SFSWAP: variants seen among roughly 807,000 people sequenced by gnomAD.
SFSWAP encodes the protein splicing factor SWAP, also known as splicing factor, suppressor of white-apricot homolog.
A neutral mutation model predicts 100.7 loss-of-function variants in SFSWAP; 17 were observed. The observed-to-expected ratio is 0.17, with a 90% CI of 0.12 to 0.25. The LOEUF is 0.25. SFSWAP is among the 10% of genes least tolerant of loss of function. The pLI, the probability that SFSWAP is intolerant of heterozygous loss-of-function variation, is 1.00. For missense variants in SFSWAP, 1,005 were observed against 1,262.6 expected (o/e 0.80, Z 3.09); for synonymous variants, 504 against 510.1 (o/e 0.99, Z 0.16).
chr12:131,786,703 G>C, intron 15 of SFSWAP, 115 bp downstream of exon 15: 1 of 1,162,890 alleles, frequency 8.6e-7, no homozygotes, highest in South Asian at 1.5e-5. Context: ...AGAGGGAGGT[G>C]CTGAGTCCCC....
chr12:131,728,897 G>C (rs1447032416), intron 7 of SFSWAP, among the ~76,000 whole-genome samples: 2 of 152,062 alleles, frequency 1.3e-5, no homozygotes, highest in Non-Finnish European at 2.9e-5. Context: ...GTCTCACTAT[G>C]TTGCCCAGGC....
chr12:131,728,175 A>G (rs1324693764), intron 6 of SFSWAP, 118 bp from the exon 7 acceptor site: 3 of 1,138,822 alleles, frequency 2.6e-6, no homozygotes, highest in Non-Finnish European at 3.9e-6. Flanking sequence ...GGGTGCGTGC[A>G]TGTGTGTGTT....
intron 13 of SFSWAP, among the ~76,000 whole-genome samples, chr12:131,771,494 G>T (rs1277803988): frequency 6.6e-6 from 1 of 152,028 alleles, no homozygotes; most frequent in Non-Finnish European, 1.5e-5. Context: ...CCTCTGAAGG[G>T]ACCGTAGCAG....
Position 131,711,432 on chromosome 12 carries a change from A to G in SFSWAP, c.203A>G (p.Lys68Arg), listed in dbSNP as rs1362848227. Residue 68 changes from lysine to arginine, a missense_variant, in exon 1 of 18, where the codon AAG (lysine) becomes AGG (arginine). Lys to Arg is a conservative substitution (Grantham distance 26). Transcript: ENST00000261674. This position sits in a 1 kb window ranked among gnomAD's most constrained non-coding sequence, Gnocchi z 4.9. The part of the protein sequence containing the change: ...QHLIPWMGDH[K>R]ILIDRYDGRG... Reference sequence around the variant, plus strand: ...CTCATCCCCTGGATGGGGGACCACAAGATCCTCATCGACAGGTCGGTTCCT... The same window carrying G: ...CTCATCCCCTGGATGGGGGACCACAGGATCCTCATCGACAGGTCGGTTCCT... 1 of 1,613,188 alleles carries G rather than the reference A, an allele frequency of 6.2e-7. No individual in the cohort carries two copies. The highest frequency in any genetic ancestry group is 8.5e-7 in the Non-Finnish European group (1 of 1,179,762).
intron 15 of SFSWAP, 186 bp from the exon 16 acceptor site, chr12:131,796,992 C>T (rs981770831): frequency 2.4e-5 from 14 of 576,278 alleles, no homozygotes; most frequent in African/African-American, 3.7e-5. Flanking sequence ...AATGGGGACG[C>T]GTCATCTGTT....
At chr12:131,754,997 T>A (rs1982526) in intron 9 of SFSWAP, among the ~76,000 whole-genome samples, 20,338 of 152,144 alleles carry the variant, frequency 0.13, 1,879 homozygotes, top group East Asian at 0.45. Flanking sequence ...GGTGGTGTTT[T>A]TAAATTATGT....
chr12:131,772,116 G>A (rs550957138), intron 13 of SFSWAP, among the ~76,000 whole-genome samples: 20 of 152,120 alleles, frequency 1.3e-4, no homozygotes, highest in African/African-American at 1.7e-4. Context: ...TTTTTTCCCC[G>A]GTACATTTCT....
chr12:131,791,779 T>TA (rs1566061263), intron 15 of SFSWAP, among the ~76,000 whole-genome samples: 1 of 152,202 alleles, frequency 6.6e-6, no homozygotes, highest in African/African-American at 2.4e-5. Context: ...TACTCTTTTT[T>TA]AAAAAATAGA....
intron 8 of SFSWAP, among the ~76,000 whole-genome samples, chr12:131,753,808 G>C (rs913293196): frequency 6.6e-6 from 1 of 152,180 alleles, no homozygotes; most frequent in African/African-American, 2.4e-5. Context: ...AGCTACTTTA[G>C]TTAACCTGTG....
chr12:131,745,799 T>G (rs1881050546), intron 7 of SFSWAP, among the ~76,000 whole-genome samples: 1 of 152,018 alleles, frequency 6.6e-6, no homozygotes, highest in African/African-American at 2.4e-5. Flanking sequence ...TTGTAGAATT[T>G]TACATTAAAT....
At position 131,733,380 on chromosome 12, in the gene SFSWAP, C is replaced by A. The variant is rs552637141; in HGVS notation, c.1081+4952C>A. On this transcript the variant is annotated intron_variant, in intron 7 of 17. Coordinates refer to ENST00000261674, the MANE Select transcript of SFSWAP (RefSeq NM_004592.4). The surrounding 1 kb of genome is among the most constrained non-coding windows in gnomAD (Gnocchi z 5.1). ...CATTGAGGGTCTTAGGATTTGCAGT[C>A]CAGCTTTGCAGGGAGCGGCAGTTTG... Among the ~76,000 whole-genome samples the A allele has an allele frequency of 1.3e-5, 2 of 152,158 alleles. No individual in the cohort carries two copies. Among genetic ancestry groups the A allele is most frequent in the African/African-American group, 4.8e-5 (2 of 41,426 alleles).
At chr12:131,722,281 G>T (rs1878545760) in intron 4 of SFSWAP, among the ~76,000 whole-genome samples, 2 of 152,176 alleles carry the variant, frequency 1.3e-5, no homozygotes, top group Admixed American at 1.3e-4. Flanking sequence ...AGCACCCCAG[G>T]CTGGGTACAG....
At chr12:131,781,584 C>A (rs533176362) in intron 14 of SFSWAP, among the ~76,000 whole-genome samples, 1 of 152,260 alleles carries the variant, frequency 6.6e-6, no homozygotes, top group African/African-American at 2.4e-5. Context: ...GAAGCAAAAT[C>A]CTACTCATTT....
chr12:131,784,419 G>A (rs1884748256), intron 14 of SFSWAP: 1 of 152,128 alleles, frequency 6.6e-6, no homozygotes, highest in Non-Finnish European at 1.5e-5. Flanking sequence ...TTAAATGTTG[G>A]AGAAAAGAGG....
At chr12:131,735,492 G>C (rs185850476) in intron 7 of SFSWAP, among the ~76,000 whole-genome samples, 14 of 152,354 alleles carry the variant, frequency 9.2e-5, no homozygotes, top group African/African-American at 3.4e-4. Flanking sequence ...TTGAGAAACA[G>C]ATGATAAAGG....
intron 4 of SFSWAP, among the ~76,000 whole-genome samples, chr12:131,722,626 C>G (rs988513326): frequency 3.9e-5 from 6 of 152,088 alleles, no homozygotes; most frequent in African/African-American, 9.7e-5. Flanking sequence ...AAGTGCTTCT[C>G]TAGGCATATC....
Position 131,778,061 on chromosome 12 carries a change from T to G in SFSWAP, c.2143-4T>G, listed in dbSNP as rs1437981507. The G allele has an allele frequency of 8.8e-6, 14 of 1,595,540 alleles. No individual in the cohort carries two copies. The highest frequency in any genetic ancestry group is 1.2e-5 in the Non-Finnish European group (14 of 1,174,538). On this transcript the variant is annotated splice_region_variant and splice_polypyrimidine_tract_variant and intron_variant, in intron 13 of 17. Transcript: ENST00000261674. The surrounding 1 kb of genome is among the most constrained non-coding windows in gnomAD (Gnocchi z 4.2). ...TAACACCCAGATTTTCCTTTTATTCTTAGGAATCCAGCACTACGCCCTGCC... is the reference window on the plus strand; with the variant it reads ...TAACACCCAGATTTTCCTTTTATTCGTAGGAATCCAGCACTACGCCCTGCC...
rs1363618807 is a variant in SFSWAP, at chr12:131,781,241, T to A, written c.2408+2911T>A. ...ATGCAAATATATCTTATTATTTTTT[T>A]TTTTTTTTTTTTTTTTGAGACAGAG... On this transcript the variant is annotated intron_variant, in intron 14 of 17. Transcript: ENST00000261674. Among the ~76,000 whole-genome samples, 1,165 of 145,088 alleles carry A rather than the reference T, an allele frequency of 8.0e-3. 21 individuals are homozygous for A. The highest frequency in any genetic ancestry group is 0.023 in the African/African-American group (906 of 39,606).
chr12:131,737,881 ATTTAT>A (rs1880183404), intron 7 of SFSWAP, among the ~76,000 whole-genome samples: 1 of 152,068 alleles, frequency 6.6e-6, no homozygotes, highest in African/African-American at 2.4e-5. Flanking sequence ...AAAACTAACA[ATTTAT>A]TTCATTTATT....
Sources: allele counts gnomAD v4.1 joint callset (sites outside exome capture counted in the v4.1 genomes callset), GRCh38; gene constraint gnomAD v4.1.1; non-coding constraint Gnocchi (gnomAD v3.1); transcripts MANE v1.5; gene names NCBI Gene and HGNC (gene_info 2026-07-23, HGNC 2026-07-21).